The following RAPGEF1 variants were observed in gnomAD, a reference collection of about 807,000 sequenced individuals.
The protein encoded by RAPGEF1 is Rap guanine nucleotide exchange factor 1.
In RAPGEF1, 33 loss-of-function variants were observed where a neutral mutation model predicts 143.3. That is an observed-to-expected ratio of 0.23 (90% CI 0.17 to 0.31). RAPGEF1 has a LOEUF of 0.31. RAPGEF1 is among the 10% of genes least tolerant of loss of function. The pLI is 1.00. For missense variants in RAPGEF1, 1,199 were observed against 1,645.4 expected (o/e 0.73, Z 4.69); for synonymous variants, 629 against 676.5 (o/e 0.93, Z 1.09).
intron 1 of RAPGEF1, among the ~76,000 whole-genome samples, chr9:131,690,375 G>A (rs1347503325): frequency 3.3e-5 from 5 of 152,122 alleles, no homozygotes; most frequent in Admixed American, 2.0e-4. Flanking sequence ...AATGGTAAAA[G>A]GTTTGTGGAA....
chr9:131,693,131 G>A (rs572879612), intron 1 of RAPGEF1, among the ~76,000 whole-genome samples: 2 of 152,142 alleles, frequency 1.3e-5, no homozygotes, highest in South Asian at 4.1e-4. Flanking sequence ...AATGGTAAAT[G>A]TTCTCTCTCT....
At chr9:131,689,330 G>C (rs1833606502) in intron 1 of RAPGEF1, among the ~76,000 whole-genome samples, 1 of 152,104 alleles carries the variant, frequency 6.6e-6, no homozygotes, top group Admixed American at 6.5e-5. Context: ...CCCTGCATTT[G>C]TTGTATTTCA....
intron 1 of RAPGEF1, among the ~76,000 whole-genome samples, chr9:131,687,493 C>G (rs1034849397): frequency 6.6e-6 from 1 of 152,196 alleles, no homozygotes; most frequent in Non-Finnish European, 1.5e-5. Flanking sequence ...TCGCACCCGG[C>G]CTTGCATAGA....
chr9:131,584,263 G>A lies in RAPGEF1; in HGVS notation c.3414+48C>T, dbSNP rs778867435. 34 of 1,505,252 alleles carry A rather than the reference G, an allele frequency of 2.3e-5. No individual in the cohort carries two copies. Among genetic ancestry groups the A allele is most frequent in the African/African-American group, 9.7e-5 (7 of 72,226 alleles). 93.2% of individuals were successfully genotyped at this position (1,505,252 alleles called of 1,614,324 possible). ...ACAGCTAGTCGCCTGAGGGCTGGGC[G>A]GCCCCCCTTACCAGCCACCCTCCCG... On this transcript the variant is annotated intron_variant, in intron 24 of 26. Transcript: ENST00000683357. The surrounding 1 kb of genome is among the most constrained non-coding windows in gnomAD (Gnocchi z 6.8).
Position 131,655,819 on chromosome 9 carries a change from C to G in RAPGEF1, c.62-4870G>C, listed in dbSNP as rs539035529. On this transcript the variant is annotated intron_variant, in intron 1 of 26. Transcript: ENST00000683357. This position sits in a 1 kb window ranked among gnomAD's most constrained non-coding sequence, Gnocchi z 4.1. The stretch of plus-strand genomic sequence containing the variant: ...AGCCAGGATGGTCTCGATCTCCTGA[C>G]CTCGTGATCCACCTGCCTTGGCCTC... 6.6e-6 allele frequency among the ~76,000 whole-genome samples: 1 copy of G among 152,244 alleles called. No homozygotes were observed. Among genetic ancestry groups the G allele is most frequent in the South Asian group, 2.1e-4 (1 of 4,830 alleles).
chr9:131,642,786 G>C (rs1968400990), intron 4 of RAPGEF1, among the ~76,000 whole-genome samples: 1 of 152,224 alleles, frequency 6.6e-6, no homozygotes, highest in Admixed American at 6.5e-5. Context: ...AGTGAAGTCT[G>C]TGAAGAGACT....
In RAPGEF1 at chr9:131,604,752, C is replaced by T. The variant is rs377570042; in HGVS notation, c.2319+179G>A. Among the ~76,000 whole-genome samples, 41 of 152,252 alleles carry T rather than the reference C, an allele frequency of 2.7e-4. No individual in the cohort carries two copies. In the East Asian group the frequency reaches 5.6e-3, roughly 21 times the overall value. Reference sequence around the variant, plus strand: ...ATGGGCTCCCATTGCACCTTGTGACCCTCAGTAGCTGTCAGCTCAGCCATG... The same window carrying T: ...ATGGGCTCCCATTGCACCTTGTGACTCTCAGTAGCTGTCAGCTCAGCCATG... On this transcript the variant is annotated intron_variant, in intron 13 of 26. Transcript: ENST00000683357.
At chr9:131,698,270 C>T (rs893369037) in intron 1 of RAPGEF1, among the ~76,000 whole-genome samples, 5 of 152,168 alleles carry the variant, frequency 3.3e-5, no homozygotes, top group African/African-American at 9.7e-5. Flanking sequence ...GCCCTCTAGT[C>T]TGCCCTTGTA....
chr9:131,626,497 C>T (rs1042292563), intron 9 of RAPGEF1, 75 bp from the exon 10 acceptor site: 70 of 1,442,130 alleles, frequency 4.9e-5, no homozygotes, highest in Non-Finnish European at 3.7e-5. Context: ...CCCCGCCCGC[C>T]TCTCGCCGGC....
In RAPGEF1 at chr9:131,655,309, C is replaced by T. The variant is rs558387114; in HGVS notation, c.62-4360G>A. The stretch of plus-strand genomic sequence containing the variant: ...ATGGCCAGAGCTGCAGAAAGCCCTT[C>T]TTAGTCCCCAGATGGGGACACAAGT... On this transcript the variant is annotated intron_variant, in intron 1 of 26. Transcript: ENST00000683357. The surrounding 1 kb of genome is among the most constrained non-coding windows in gnomAD (Gnocchi z 4.1). Among the ~76,000 whole-genome samples, 8 of 152,218 alleles carry T rather than the reference C, an allele frequency of 5.3e-5. No individual in the cohort carries two copies. Among genetic ancestry groups the T allele is most frequent in the Non-Finnish European group, 1.2e-4 (8 of 68,046 alleles).
Position 131,650,306 on chromosome 9 carries a change from G to A in RAPGEF1, c.202-64C>T. ...ATGGCTGTTTGAGGCCGAAGGGAGG[G>A]GTTGATGAAAGTCAATAGCTGTTTC... On this transcript the variant is annotated intron_variant, in intron 2 of 26. Transcript: ENST00000683357. The surrounding 1 kb of genome is among the most constrained non-coding windows in gnomAD (Gnocchi z 4.7). The A allele has an allele frequency of 8.4e-6, 11 of 1,304,700 alleles. No homozygotes were observed. The South Asian group carries it at 1.1e-4, about 13-fold the overall frequency. 80.8% of individuals were successfully genotyped at this position (1,304,700 alleles called of 1,614,324 possible).
chr9:131,694,793 C>T (rs1455528501), intron 1 of RAPGEF1, among the ~76,000 whole-genome samples: 1 of 118,676 alleles, frequency 8.4e-6, no homozygotes, highest in African/African-American at 3.6e-5. Context: ...CACCTTCACA[C>T]TTTCTTTTTT....
intron 14 of RAPGEF1, among the ~76,000 whole-genome samples, chr9:131,602,432 T>C (rs1956423247): frequency 6.6e-6 from 1 of 152,278 alleles, no homozygotes; most frequent in East Asian, 1.9e-4. Context: ...AAGACTGTCA[T>C]AGCCACTCCC....
At chr9:131,715,407 G>A (rs1835790696) in intron 1 of RAPGEF1, among the ~76,000 whole-genome samples, 1 of 152,030 alleles carries the variant, frequency 6.6e-6, no homozygotes, top group Admixed American at 6.5e-5. Flanking sequence ...CTGGAGGTAT[G>A]TGCCCAGGGG....
At chr9:131,728,918 G>C (rs1027866303) in intron 1 of RAPGEF1, among the ~76,000 whole-genome samples, 4 of 152,174 alleles carry the variant, frequency 2.6e-5, no homozygotes, top group Non-Finnish European at 4.4e-5. Context: ...GTACTGTTAG[G>C]ATTTTCCCCA....
chr9:131,735,910 T>C (rs1837383203), intron 1 of RAPGEF1, among the ~76,000 whole-genome samples: 1 of 152,208 alleles, frequency 6.6e-6, no homozygotes, highest in Admixed American at 6.5e-5. Flanking sequence ...CTTTTGTTTT[T>C]TTCCTCAAGA....
chr9:131,639,073 T>A (rs140956491), intron 4 of RAPGEF1, among the ~76,000 whole-genome samples: 2 of 152,308 alleles, frequency 1.3e-5, no homozygotes, highest in East Asian at 3.9e-4. Context: ...TTTTCAAACT[T>A]CACATCCTTC....
intron 5 of RAPGEF1, among the ~76,000 whole-genome samples, chr9:131,633,120 T>G (rs776373597): frequency 1.3e-5 from 2 of 152,218 alleles, no homozygotes; most frequent in Admixed American, 6.5e-5. Flanking sequence ...AAGAGCCAAG[T>G]ACTAGCAAGA....
chr9:131,610,327 A>G (rs1213014823), intron 12 of RAPGEF1, among the ~76,000 whole-genome samples: 3 of 151,920 alleles, frequency 2.0e-5, no homozygotes, highest in African/African-American at 7.3e-5. Flanking sequence ...GGTTAGGGAC[A>G]CAGGCTGAGG....
Sources: gnomAD v4.1 joint callset for allele counts (sites outside exome capture counted in the v4.1 genomes callset) on GRCh38, gnomAD v4.1.1 for gene constraint, Gnocchi (gnomAD v3.1) non-coding constraint, MANE v1.5 for transcripts, NCBI Gene and HGNC (gene_info 2026-07-23, HGNC 2026-07-21) for gene names.